CNBD1: variants seen among roughly 807,000 people sequenced by gnomAD.
The protein encoded by CNBD1 is cyclic nucleotide binding domain containing 1.
In CNBD1, 71 loss-of-function variants were observed where a neutral mutation model predicts 54.4. That is an observed-to-expected ratio of 1.30 (90% CI 1.08 to 1.59). The LOEUF is 1.59. Among genes scored for constraint, CNBD1 ranks in the 40% most tolerant of loss-of-function variants. The pLI, the probability that CNBD1 is intolerant of heterozygous loss-of-function variation, is 0.00. For synonymous variants in CNBD1, 182 were observed against 170.7 expected (o/e 1.07, Z -0.51); for missense variants, 659 against 518.0 (o/e 1.27, Z -2.64).
intron 8 of CNBD1, among the ~76,000 whole-genome samples, chr8:87,294,099 T>G (rs900738097): frequency 6.6e-6 from 1 of 152,038 alleles, no homozygotes; most frequent in Admixed American, 6.6e-5. Flanking sequence ...ATATGAGTGA[T>G]AGTTGAAAGG....
chr8:86,886,704 A>C (rs1259330802), intron 1 of CNBD1, among the ~76,000 whole-genome samples: 1 of 152,204 alleles, frequency 6.6e-6, no homozygotes, highest in African/African-American at 2.4e-5. Context: ...CAATGAATGC[A>C]CTTTTTAACG....
In CNBD1 at chr8:87,249,572, C is replaced by T. The variant is rs531278993; in HGVS notation, c.771+12460C>T. On this transcript the variant is annotated intron_variant, in intron 6 of 10. Transcript: ENST00000518476. ...CTAGGTTATAGGTCTATCTTTCAACCGCAAATTGATAAAAGTGAATATAAT... is the reference window on the plus strand; with the variant it reads ...CTAGGTTATAGGTCTATCTTTCAACTGCAAATTGATAAAAGTGAATATAAT... 5.3e-4 allele frequency among the ~76,000 whole-genome samples: 80 copies of T among 152,192 alleles called. 1 individual carries two copies. The highest frequency in any genetic ancestry group is 1.8e-3 in the African/African-American group (75 of 41,524).
At chr8:86,924,999 C>T (rs1441919780) in intron 3 of CNBD1, among the ~76,000 whole-genome samples, 1 of 152,160 alleles carries the variant, frequency 6.6e-6, no homozygotes, top group Non-Finnish European at 1.5e-5. Flanking sequence ...TTGGCACAGA[C>T]ATTAATTTAG....
intron 10 of CNBD1, among the ~76,000 whole-genome samples, chr8:87,361,074 C>T (rs1810515720): frequency 6.6e-6 from 1 of 151,826 alleles, no homozygotes; most frequent in Non-Finnish European, 1.5e-5. Context: ...GAACAGTTTG[C>T]CACAGGGAAT....
At position 87,226,182 on chromosome 8, in the gene CNBD1, A is replaced by C. The variant is rs543102845; in HGVS notation, c.578-10737A>C. 3.9e-5 allele frequency among the ~76,000 whole-genome samples: 6 copies of C among 151,960 alleles called. No homozygotes were observed. The South Asian group carries it at 1.2e-3, about 32-fold the overall frequency. On this transcript the variant is annotated intron_variant, in intron 5 of 10. Coordinates refer to ENST00000518476, the MANE Select transcript of CNBD1 (RefSeq NM_173538.3). ...GTCTATCAATTTTGTTGATCCTTTC[A>C]AAAAACCAGCTCCTGGATTCATTAA... is the stretch of plus-strand genomic sequence containing the variant.
chr8:87,240,628 G>A (rs1563520268), intron 6 of CNBD1, among the ~76,000 whole-genome samples: 1 of 152,244 alleles, frequency 6.6e-6, no homozygotes, highest in South Asian at 2.1e-4. Flanking sequence ...GTTTAAATTG[G>A]TCTATTCCCC....
chr8:87,382,966 G>T (rs942724178), downstream of CNBD1: 4 of 189,342 alleles, frequency 2.1e-5, no homozygotes, highest in Admixed American at 6.0e-5. Flanking sequence ...TGCACAAAAG[G>T]ATGGAAACAT....
chr8:87,055,143 T>C (rs1488753438), intron 4 of CNBD1, among the ~76,000 whole-genome samples: 2 of 152,036 alleles, frequency 1.3e-5, no homozygotes, highest in African/African-American at 2.4e-5. Context: ...ACTAAGAAAA[T>C]TAAGAAGTGT....
chr8:86,905,002 A>G (rs1202893167), intron 2 of CNBD1, 79 bp from the exon 3 acceptor site: 1 of 727,650 alleles, frequency 1.4e-6, no homozygotes, highest in Non-Finnish European at 2.4e-6. Context: ...ATTGATACGT[A>G]TATATTGAGT....
intron 3 of CNBD1, among the ~76,000 whole-genome samples, chr8:86,935,306 G>A (rs1159938713): frequency 2.0e-5 from 3 of 152,144 alleles, no homozygotes; most frequent in East Asian, 3.9e-4. Flanking sequence ...AAAGTGCTGG[G>A]ATTACAGGCA....
chr8:87,422,021 G>A (rs1290661018), intron 2 of CNBD1, among the ~76,000 whole-genome samples: 2 of 148,952 alleles, frequency 1.3e-5, no homozygotes, highest in South Asian at 2.1e-4. Context: ...TTCTCTGATG[G>A]CCAGTGATGA....
intron 8 of CNBD1, among the ~76,000 whole-genome samples, chr8:87,328,013 G>T (rs1217210411): frequency 1.3e-5 from 2 of 151,996 alleles, no homozygotes; most frequent in East Asian, 1.9e-4. Context: ...TACATGTGCA[G>T]AAAATGCAGG....
intron 2 of CNBD1, among the ~76,000 whole-genome samples, chr8:87,410,658 G>A (rs779158268): frequency 7.4e-4 from 112 of 152,270 alleles, no homozygotes; most frequent in Admixed American, 1.3e-3. Context: ...GACAGGATTT[G>A]GGAGGATTGA....
intron 4 of CNBD1, among the ~76,000 whole-genome samples, chr8:87,002,320 G>A (rs1375348788): frequency 6.6e-6 from 1 of 152,084 alleles, no homozygotes; most frequent in African/African-American, 2.4e-5. Flanking sequence ...CCTATAGATT[G>A]TTCTTCGCAT....
chr8:86,989,978 T>C (rs1252894197), intron 4 of CNBD1, among the ~76,000 whole-genome samples: 1 of 152,222 alleles, frequency 6.6e-6, no homozygotes, highest in Non-Finnish European at 1.5e-5. Flanking sequence ...CATACACCTA[T>C]TTGCCATGTG....
intron 4 of CNBD1, among the ~76,000 whole-genome samples, chr8:87,187,186 A>G (rs772781675): frequency 1.8e-4 from 24 of 133,208 alleles, no homozygotes; most frequent in Non-Finnish European, 4.2e-4. Context: ...CTATATCTCA[A>G]TATATATCTG....
intron 4 of CNBD1, among the ~76,000 whole-genome samples, chr8:87,011,179 GGT>G (rs1491504892): frequency 7.4e-6 from 1 of 135,164 alleles, no homozygotes; most frequent in African/African-American, 2.6e-5. Flanking sequence ...ATTAGAGTTT[GGT>G]TTTTTTTTTT....
At chr8:87,147,085 T>C (rs1650160675) in intron 4 of CNBD1, among the ~76,000 whole-genome samples, 1 of 152,094 alleles carries the variant, frequency 6.6e-6, no homozygotes, top group Non-Finnish European at 1.5e-5. Flanking sequence ...TTCAATTCTC[T>C]CCCTCATCTT....
At chr8:87,385,648 G>A (rs935588020), downstream of CNBD1, among the ~76,000 whole-genome samples, 2 of 152,114 alleles carry the variant, frequency 1.3e-5, no homozygotes, top group Admixed American at 1.3e-4. Flanking sequence ...GCCCACCGCA[G>A]CACAAGGAGG....
Sources: gnomAD v4.1 joint callset for allele counts (sites outside exome capture counted in the v4.1 genomes callset) on GRCh38, gnomAD v4.1.1 for gene constraint, MANE v1.5 for transcripts, NCBI Gene and HGNC (gene_info 2026-07-23, HGNC 2026-07-21) for gene names.